The following PLXND1 variants were observed in gnomAD, a reference collection of about 807,000 sequenced individuals.
The protein encoded by PLXND1 is plexin D1.
PLXND1 carries 54 observed loss-of-function variants against 197.7 expected under a neutral mutation model. The observed-to-expected ratio is 0.27, with a 90% confidence interval of 0.22 to 0.34. PLXND1 has a LOEUF of 0.34. Ranked by LOEUF, PLXND1 falls within the 10% of genes least tolerant of loss-of-function variation. The pLI is 1.00. For synonymous variants in PLXND1, 1,180 were observed against 1,161.2 expected (o/e 1.02, Z -0.33); for missense variants, 2,127 against 2,699.2 (o/e 0.79, Z 4.70).
rs181241107 is a variant in PLXND1, at chr3:129,601,700, T to G, written c.1311+3629A>C. Among the ~76,000 whole-genome samples, 12 of 152,248 alleles carry G rather than the reference T, an allele frequency of 7.9e-5. No homozygotes were observed. In the East Asian group the frequency reaches 1.7e-3, roughly 22 times the overall value. On this transcript the variant is annotated intron_variant, in intron 1 of 35. Coordinates refer to ENST00000324093, the MANE Select transcript of PLXND1 (RefSeq NM_015103.3). ...GTACCCCATCACATGCCCCACCCCA[T>G]GGGTACCAACATCTATCCTGTTGCT...
rs138740853 is a variant in PLXND1 at position 129,583,592 on chromosome 3, C to T, written c.2216G>A (p.Arg739Gln). Residue 739 changes from arginine (R) to glutamine (Q), a missense_variant, in exon 8 of 36, where the codon CGG (arginine) becomes CAG (glutamine). By Grantham distance (43) the Arg-to-Gln change is conservative. This residue lies in a region of PLXND1 where 1,095 missense variants were observed against 1,259.8 expected (regional missense o/e 0.87). Coordinates refer to ENST00000324093, the MANE Select transcript of PLXND1 (RefSeq NM_015103.3). ...QQHSCVSNQS[R>Q]CEASPNPTSP... ...CGTGGGGTTTGGTGAGGCCTCGCAC[C>T]GAGACTGGTTGGAAACACAGGAGTG... The T allele has an allele frequency of 1.9e-5, 31 of 1,613,786 alleles. No individual in the cohort carries two copies. The highest frequency in any genetic ancestry group is 1.3e-4 in the East Asian group (6 of 44,894).
intron 1 of PLXND1, among the ~76,000 whole-genome samples, chr3:129,600,151 C>G (rs1224244499): frequency 6.6e-6 from 1 of 152,230 alleles, no homozygotes; most frequent in Non-Finnish European, 1.5e-5. Flanking sequence ...CTCTCCATCT[C>G]AGTCTCTGTG....
intron 25 of PLXND1, among the ~76,000 whole-genome samples, chr3:129,564,093 T>G (rs899045640): frequency 1.3e-5 from 2 of 152,276 alleles, no homozygotes; most frequent in Non-Finnish European, 2.9e-5. Flanking sequence ...CAGTGGCCCT[T>G]GTGGTTCCTG....
Position 129,577,102 on chromosome 3 carries a change from T to C in PLXND1, c.2346+1227A>G, listed in dbSNP as rs2108781577. Among the ~76,000 whole-genome samples, 1 of 152,294 alleles carries C rather than the reference T, an allele frequency of 6.6e-6. No individual in the cohort carries two copies. Among genetic ancestry groups the C allele is most frequent in the Admixed American group, 6.5e-5 (1 of 15,302 alleles). Reference sequence around the variant, plus strand: ...TGCTGACGGGGCCAAAAGCCCGTTTTGTCCCCTGCCATGCTGAGCTGGAGA... The same window carrying C: ...TGCTGACGGGGCCAAAAGCCCGTTTCGTCCCCTGCCATGCTGAGCTGGAGA... On this transcript the variant is annotated intron_variant, in intron 9 of 35. Coordinates refer to ENST00000324093, the MANE Select transcript of PLXND1 (RefSeq NM_015103.3). This position sits in a 1 kb window ranked among gnomAD's most constrained non-coding sequence, Gnocchi z 5.0.
intron 2 of PLXND1, 41 bp downstream of exon 2, chr3:129,589,310 T>TGCCCCCCCCCCCCCCCCCCCCC: frequency 1.0e-5 from 5 of 501,292 alleles, no homozygotes; most frequent in Middle Eastern, 6.1e-4. Context: ...CAGGGGAGCC[T>TGCCCCCCCCCCCCCCCCCCCCC]CCCACCCCCA....
rs529728173 is a variant in PLXND1 at position 129,555,547 on chromosome 3, T to TA, written c.*764dup. The stretch of plus-strand genomic sequence containing the variant: ...TACGTTTTTTAATATATAAAAGCTT[T>TA]AAAAAAAAAAGTGGTGCTATCTTTA... On this transcript the variant is annotated 3_prime_UTR_variant, in exon 36 of 36. Coordinates refer to ENST00000324093, the MANE Select transcript of PLXND1 (RefSeq NM_015103.3). 6,344 of 520,486 alleles carry TA rather than the reference T, an allele frequency of 0.012. 7 individuals carry two copies. The highest frequency in any genetic ancestry group is 0.031 in the South Asian group (1,413 of 44,888). 32.2% of individuals were successfully genotyped at this position (520,486 alleles called of 1,614,324 possible).
intron 20 of PLXND1, 82 bp from the exon 21 acceptor site, chr3:129,567,887 C>T: frequency 1.3e-6 from 1 of 760,382 alleles, no homozygotes. Flanking sequence ...CTGGCCTCCG[C>T]TCCAGCTCCT....
At chr3:129,570,977 C>T (rs1408507938) in intron 18 of PLXND1, 42 bp from the exon 19 acceptor site, 1 of 1,613,666 alleles carries the variant, frequency 6.2e-7, no homozygotes, top group African/African-American at 1.3e-5. Flanking sequence ...GGAAGTGCTC[C>T]CGAGGCCCAC....
At chr3:129,586,457 G>A (rs1310345901) in intron 3 of PLXND1, 131 bp downstream of exon 3, 3 of 1,196,602 alleles carry the variant, frequency 2.5e-6, no homozygotes, top group Middle Eastern at 2.3e-4. Context: ...CGCAGGACAA[G>A]GTGGAGTTAG....
chr3:129,575,938 G>A (rs113081944), intron 9 of PLXND1, 83 bp from the exon 10 acceptor site: 30 of 803,776 alleles, frequency 3.7e-5, no homozygotes, highest in South Asian at 3.3e-4. Context: ...AGGACACCAC[G>A]GGCTCCTGCT....
intron 1 of PLXND1, among the ~76,000 whole-genome samples, chr3:129,602,495 G>A (rs1182553479): frequency 6.6e-6 from 1 of 152,206 alleles, no homozygotes; most frequent in Non-Finnish European, 1.5e-5. Context: ...ATTGCCCTGT[G>A]TATAAGGGCC....
chr3:129,570,589 C>T (rs1260632040), intron 19 of PLXND1, 197 bp downstream of exon 19: 7 of 613,974 alleles, frequency 1.1e-5, no homozygotes, highest in Non-Finnish European at 1.4e-5. Context: ...CCATCACTGA[C>T]CTCAAGCAAG....
At chr3:129,564,225 T>TTTC (rs2085104818) in intron 25 of PLXND1, among the ~76,000 whole-genome samples, 4 of 152,368 alleles carry the variant, frequency 2.6e-5, no homozygotes, top group Middle Eastern at 3.4e-3. Context: ...TCCCCCAGGC[T>TTTC]ACTTGGCCCT....
At position 129,556,129 on chromosome 3, in the gene PLXND1, G is replaced by A. The variant is rs1479681453; in HGVS notation, c.*183C>T. On this transcript the variant is annotated 3_prime_UTR_variant, in exon 36 of 36. Transcript: ENST00000324093. ...TGGGGACAGGTGGGAGGGGATGGAGGTGCCCAGGGGTCAAGGCGGGGGCGC... is the reference window on the plus strand; with the variant it reads ...TGGGGACAGGTGGGAGGGGATGGAGATGCCCAGGGGTCAAGGCGGGGGCGC... The A allele has an allele frequency of 6.8e-6, 4 of 589,656 alleles. No individual in the cohort carries two copies. Among genetic ancestry groups the A allele is most frequent in the Non-Finnish European group, 9.1e-6 (3 of 328,818 alleles). The allele number at this position is 589,656 out of a possible 1,614,324, so 36.5% of individuals were successfully genotyped here.
chr3:129,565,814 C>T, intron 24 of PLXND1, 73 bp downstream of exon 24: 1 of 1,524,322 alleles, frequency 6.6e-7, no homozygotes, highest in Non-Finnish European at 9.0e-7. Context: ...AGCCCCAGGA[C>T]CCAGGACCTG....
In PLXND1 at chr3:129,575,521, G is replaced by A. The variant is rs1290240088; in HGVS notation, c.2478C>T (p.Leu826=). ...ATCGGGCTGGCCGCCCCTTTAGTTG[G>A]AGGCTGAGCGGGAACACCTGGCTCT... ...TRKSQVFPLS[L]QLKGRPARFL... Residue 826 remains leucine, a synonymous_variant, in exon 11 of 36, where the codon CTC becomes CTT. Coordinates refer to ENST00000324093, the MANE Select transcript of PLXND1 (RefSeq NM_015103.3). 3 of 1,557,548 alleles carry A rather than the reference G, an allele frequency of 1.9e-6. No homozygotes were observed. Among genetic ancestry groups the A allele is most frequent in the East Asian group, 4.8e-5 (2 of 41,576 alleles).
chr3:129,600,541 C>T (rs1168835166), intron 1 of PLXND1, among the ~76,000 whole-genome samples: 1 of 151,924 alleles, frequency 6.6e-6, no homozygotes, highest in African/African-American at 2.4e-5. Flanking sequence ...AATGACTGGC[C>T]CTGGGACACA....
At position 129,560,737 on chromosome 3, in the gene PLXND1, AAC is replaced by A; in HGVS notation, c.4994-16_4994-15del. ...CCAAGTCTTTCACTGTGAGAGGAAA[AAC>A]ACAATAAATAAACACGGGAGAGGAG... is the stretch of plus-strand genomic sequence containing the variant. On this transcript the variant is annotated splice_polypyrimidine_tract_variant and intron_variant, in intron 29 of 35. Coordinates refer to ENST00000324093, the MANE Select transcript of PLXND1 (RefSeq NM_015103.3). 6.5e-7 allele frequency: 1 copy of A among 1,528,566 alleles called. No homozygotes were observed. The highest frequency in any genetic ancestry group is 9.1e-7 in the Non-Finnish European group (1 of 1,102,996). 94.7% of individuals were successfully genotyped at this position (1,528,566 alleles called of 1,614,324 possible).
intron 1 of PLXND1, among the ~76,000 whole-genome samples, chr3:129,590,178 G>A (rs2085518993): frequency 6.6e-6 from 1 of 152,068 alleles, no homozygotes; most frequent in Non-Finnish European, 1.5e-5. Flanking sequence ...CATTACAGGG[G>A]GACAAACAGG....
Sources: gnomAD v4.1 joint callset for allele counts (sites outside exome capture counted in the v4.1 genomes callset) on GRCh38, gnomAD v4.1.1 for gene constraint, gnomAD v4.1.1 regional missense constraint, Gnocchi (gnomAD v3.1) non-coding constraint, MANE v1.5 for transcripts, NCBI Gene and HGNC (gene_info 2026-07-23, HGNC 2026-07-21) for gene names.